Variants in ZNF251 observed in about 807,000 individuals in gnomAD.
ZNF251 encodes the protein zinc finger protein 251.
A neutral mutation model predicts 13.5 loss-of-function variants in ZNF251; 14 were observed. The ratio of observed to expected loss-of-function variants is 1.04; its 90% confidence interval spans 0.69 to 1.63. The LOEUF (loss-of-function observed/expected upper bound fraction) is 1.63. Among genes scored for constraint, ZNF251 ranks in the 40% most tolerant of loss-of-function variants. The pLI, the probability that ZNF251 is intolerant of heterozygous loss-of-function variation, is 0.00. For synonymous variants in ZNF251, 287 were observed against 295.2 expected (o/e 0.97, Z 0.28); for missense variants, 764 against 834.9 (o/e 0.92, Z 1.05).
intron 4 of ZNF251, among the ~76,000 whole-genome samples, chr8:144,751,857 T>A (rs978878340): frequency 6.6e-6 from 1 of 152,062 alleles, no homozygotes; most frequent in Non-Finnish European, 1.5e-5. Flanking sequence ...ATTAAATGGA[T>A]GAAAGAAGAT....
intron 4 of ZNF251, among the ~76,000 whole-genome samples, chr8:144,729,110 C>T (rs1320372075): frequency 1.6e-5 from 2 of 128,144 alleles, no homozygotes; most frequent in Admixed American, 8.1e-5. Flanking sequence ...AAAAAAAAAG[C>T]AGCAGTATCT....
At position 144,737,614 on chromosome 8, in the gene ZNF251, C is replaced by A. The variant is rs1049335466; in HGVS notation, c.278-14232G>T. On this transcript the variant is annotated intron_variant, in intron 4 of 4. Coordinates refer to ENST00000292562, the MANE Select transcript of ZNF251 (RefSeq NM_138367.2). ...TTGGGAGGCCAAGGCGGGTGGATCA[C>A]AAGGTCAGGAGATCGAGACCATCCT... 2.0e-5 allele frequency among the ~76,000 whole-genome samples: 3 copies of A among 152,068 alleles called. No homozygotes were observed. The South Asian group carries it at 6.2e-4, about 32-fold the overall frequency.
At chr8:144,752,649 C>T (rs1050065700) in intron 4 of ZNF251, among the ~76,000 whole-genome samples, 2 of 152,098 alleles carry the variant, frequency 1.3e-5, no homozygotes, top group Admixed American at 6.5e-5. Flanking sequence ...ATATTTTTCA[C>T]GAGCCTTTCT....
chr8:144,728,237 C>G (rs1420707847), intron 4 of ZNF251, among the ~76,000 whole-genome samples: 1 of 152,036 alleles, frequency 6.6e-6, no homozygotes, highest in East Asian at 1.9e-4. Flanking sequence ...AATGGCTGAT[C>G]AGTGGGTCAG....
rs373860761 is a variant in ZNF251 at position 144,722,523 on chromosome 8, G to A, written c.1137C>T (p.Cys379=). ...GACTGAAGGCCTTCCCACACTGATTGCATTTATGGGGCTTCTCTCCAGTGT... is the reference window on the plus strand; with the variant it reads ...GACTGAAGGCCTTCCCACACTGATTACATTTATGGGGCTTCTCTCCAGTGT... ...RIHTGEKPHK[C]NQCGKAFSQS... Residue 379 remains cysteine (C), a synonymous_variant, in exon 5 of 5, where the codon TGC becomes TGT. Coordinates refer to ENST00000292562, the MANE Select transcript of ZNF251 (RefSeq NM_138367.2). The surrounding 1 kb of genome is among the most constrained non-coding windows in gnomAD (Gnocchi z 4.8). 25 of 1,612,676 alleles carry A rather than the reference G, an allele frequency of 1.6e-5. No homozygotes were observed. Among genetic ancestry groups the A allele is most frequent in the Non-Finnish European group, 2.1e-5 (25 of 1,179,620 alleles).
At chr8:144,742,900 C>G (rs1374613055) in intron 4 of ZNF251, among the ~76,000 whole-genome samples, 1 of 152,126 alleles carries the variant, frequency 6.6e-6, no homozygotes, top group Non-Finnish European at 1.5e-5. Flanking sequence ...ATGGGTTTCA[C>G]ATGTGTTTGG....
rs1446857450 is a variant in ZNF251 at position 144,734,945 on chromosome 8, A to G, written c.278-11563T>C. Among the ~76,000 whole-genome samples the G allele has an allele frequency of 6.6e-6, 1 of 152,052 alleles. No homozygotes were observed. Among genetic ancestry groups the G allele is most frequent in the Non-Finnish European group, 1.5e-5 (1 of 68,012 alleles). ...AAAAATTAGCCAGACGTGGTGGTGCATGCCTGTGATCCCAGCTACTTGGGA... is the reference window on the plus strand; with the variant it reads ...AAAAATTAGCCAGACGTGGTGGTGCGTGCCTGTGATCCCAGCTACTTGGGA... On this transcript the variant is annotated intron_variant, in intron 4 of 4. Coordinates refer to ENST00000292562, the MANE Select transcript of ZNF251 (RefSeq NM_138367.2). This position sits in a 1 kb window ranked among gnomAD's most constrained non-coding sequence, Gnocchi z 4.4.
At chr8:144,733,754 A>G (rs918762279) in intron 4 of ZNF251, among the ~76,000 whole-genome samples, 1 of 152,116 alleles carries the variant, frequency 6.6e-6, no homozygotes, top group Non-Finnish European at 1.5e-5. Flanking sequence ...GTGTACCCCC[A>G]AGACATATAC....
intron 4 of ZNF251, among the ~76,000 whole-genome samples, chr8:144,728,033 C>T (rs1586681966): frequency 6.6e-6 from 1 of 152,298 alleles, no homozygotes; most frequent in South Asian, 2.1e-4. Context: ...CTGGCTTTGG[C>T]CTGTCTCAGT....
chr8:144,730,604 G>A (rs1329288849), intron 4 of ZNF251, among the ~76,000 whole-genome samples: 2 of 152,054 alleles, frequency 1.3e-5, no homozygotes, highest in Non-Finnish European at 2.9e-5. Context: ...GGGGCGTCCC[G>A]GGGCAGGGCC....
intron 4 of ZNF251, among the ~76,000 whole-genome samples, chr8:144,746,862 T>G (rs553626058): frequency 6.6e-6 from 1 of 152,294 alleles, no homozygotes; most frequent in Admixed American, 6.5e-5. Flanking sequence ...CTCTCTCTTC[T>G]TTGTCTTAGT....
At position 144,755,531 on chromosome 8, in the gene ZNF251, G is replaced by T. The variant is rs1019059376; in HGVS notation, c.-202C>A. 1 of 1,281,476 alleles carries T rather than the reference G, an allele frequency of 7.8e-7. No individual in the cohort carries two copies. The highest frequency in any genetic ancestry group is 1.5e-5 in the African/African-American group (1 of 65,250). The allele number at this position is 1,281,476 out of a possible 1,614,324, so 79.4% of individuals were successfully genotyped here. ...GGGAGGGGGCGGGCTAGGATGAAGA[G>T]GGCGGGCCGGGCCGAGCTGCGCACA... is the stretch of plus-strand genomic sequence containing the variant. On this transcript the variant is annotated 5_prime_UTR_variant, in exon 1 of 5. Coordinates refer to ENST00000292562, the MANE Select transcript of ZNF251 (RefSeq NM_138367.2).
intron 4 of ZNF251, among the ~76,000 whole-genome samples, chr8:144,747,399 A>G (rs911180014): frequency 8.5e-5 from 13 of 152,226 alleles, no homozygotes; most frequent in Non-Finnish European, 1.5e-4. Context: ...AATGTTCCAC[A>G]TGAGCTTGGC....
chr8:144,735,018 G>A (rs1823835649), intron 4 of ZNF251, among the ~76,000 whole-genome samples: 1 of 151,660 alleles, frequency 6.6e-6, no homozygotes, highest in African/African-American at 2.4e-5. Flanking sequence ...AGGTTGCAGT[G>A]AGCCAAGATC....
chr8:144,728,545 C>T (rs1335610212), intron 4 of ZNF251, among the ~76,000 whole-genome samples: 1 of 151,472 alleles, frequency 6.6e-6, no homozygotes, highest in African/African-American at 2.4e-5. Flanking sequence ...CGCCTGTAGT[C>T]CCAGCTACCC....
chr8:144,723,451 T>C (rs986242205), intron 4 of ZNF251, 69 bp from the exon 5 acceptor site: 10 of 1,194,046 alleles, frequency 8.4e-6, no homozygotes, highest in African/African-American at 3.1e-5. Context: ...CATAATGTGG[T>C]AGAAGCTCCT....
At position 144,724,053 on chromosome 8, in the gene ZNF251, G is replaced by C. The variant is rs192038388; in HGVS notation, c.278-671C>G. 2.2e-3 allele frequency among the ~76,000 whole-genome samples: 340 copies of C among 152,100 alleles called. 4 individuals carry two copies. Among genetic ancestry groups the C allele is most frequent in the African/African-American group, 7.6e-3 (317 of 41,504 alleles). ...GGTCAGGAGATCGAGACCATCCTGG[G>C]TAACACGGTGAAACCCCGTCTCTAC... On this transcript the variant is annotated intron_variant, in intron 4 of 4. Coordinates refer to ENST00000292562, the MANE Select transcript of ZNF251 (RefSeq NM_138367.2).
chr8:144,744,055 C>G (rs1305267534), intron 4 of ZNF251, among the ~76,000 whole-genome samples: 6 of 147,958 alleles, frequency 4.1e-5, no homozygotes, highest in African/African-American at 1.5e-4. Context: ...ACTCTGTCAC[C>G]CAGGCTGGAG....
chr8:144,748,514 CTTCT>C (rs1563769812), intron 4 of ZNF251, among the ~76,000 whole-genome samples: 1 of 131,350 alleles, frequency 7.6e-6, no homozygotes. Context: ...TTAAAGTGGG[CTTCT>C]TTTCTTTTTT....
Sources: allele counts gnomAD v4.1 joint callset (sites outside exome capture counted in the v4.1 genomes callset), GRCh38; gene constraint gnomAD v4.1.1; non-coding constraint Gnocchi (gnomAD v3.1); transcripts MANE v1.5; gene names NCBI Gene and HGNC (gene_info 2026-07-23, HGNC 2026-07-21).